Variants in RSRC1 observed in about 807,000 individuals in gnomAD.
RSRC1 encodes serine/Arginine-related protein 53.
RSRC1 carries 39 observed loss-of-function variants against 49.1 expected under a neutral mutation model. The ratio of observed to expected loss-of-function variants is 0.79; its 90% CI spans 0.61 to 1.04. The LOEUF is 1.04. Among genes scored for constraint, RSRC1 ranks in the 50% least tolerant of loss-of-function variants. The probability of loss-of-function intolerance (pLI) is 0.00; values close to 1 mark genes in which losing one functional copy is unlikely to be tolerated. For synonymous variants in RSRC1, 143 were observed against 130.8 expected (o/e 1.09, Z -0.63); for missense variants, 388 against 402.4 (o/e 0.96, Z 0.31).
At position 158,203,104 on chromosome 3, in the gene RSRC1, G is replaced by T; in HGVS notation, c.353G>T (p.Ser118Ile). The T allele has an allele frequency of 6.2e-7, 1 of 1,613,610 alleles. No individual in the cohort carries two copies. Among genetic ancestry groups the T allele is most frequent in the Non-Finnish European group, 8.5e-7 (1 of 1,179,728 alleles). ...SRSRPRLRSH[S>I]RSSERSSHRR... The stretch of plus-strand genomic sequence containing the variant: ...TCAAGACCTCGTCTCCGTTCTCATA[G>T]TCGTAGCAGTGAAAGGTCCAGTCAC... The change falls in exon 4 of 10, where the codon AGT becomes ATT. Residue 118 changes from serine (S) to isoleucine (I), a missense_variant. Ser to Ile is a moderately radical substitution (Grantham distance 142). Transcript: ENST00000611884.
intron 4 of RSRC1, among the ~76,000 whole-genome samples, chr3:158,238,075 A>G (rs1239186845): frequency 6.6e-6 from 1 of 152,232 alleles, no homozygotes; most frequent in Non-Finnish European, 1.5e-5. Context: ...CACCAATAAC[A>G]GACAAACAGA....
At chr3:158,330,931 G>C (rs114648515) in intron 5 of RSRC1, among the ~76,000 whole-genome samples, 276 of 151,066 alleles carry the variant, frequency 1.8e-3, no homozygotes, top group Non-Finnish European at 1.7e-3. Flanking sequence ...GCTCCATGTG[G>C]CTGGGGAGGC....
At chr3:158,204,861 A>G (rs1418781561) in intron 4 of RSRC1, among the ~76,000 whole-genome samples, 1 of 152,176 alleles carries the variant, frequency 6.6e-6, no homozygotes, top group Admixed American at 6.5e-5. Flanking sequence ...CATAAAATTT[A>G]TATTATATAA....
intron 6 of RSRC1, among the ~76,000 whole-genome samples, chr3:158,377,107 T>C (rs1732419467): frequency 6.6e-6 from 1 of 152,202 alleles, no homozygotes; most frequent in Non-Finnish European, 1.5e-5. Flanking sequence ...GTATGTAATG[T>C]GTTGGTTTTC....
At chr3:158,378,034 C>T (rs1372489800) in intron 6 of RSRC1, among the ~76,000 whole-genome samples, 1 of 152,138 alleles carries the variant, frequency 6.6e-6, no homozygotes, top group Non-Finnish European at 1.5e-5. Context: ...CAATTTTTTT[C>T]TCTGAGTTTT....
rs139024786 is a variant in RSRC1 at position 158,406,666 on chromosome 3, G to A, written c.583+51758G>A. On this transcript the variant is annotated intron_variant, in intron 6 of 9. Transcript: ENST00000611884. Reference sequence around the variant, plus strand: ...AGTAATCAGAAACCATGCTCAGAGCGTGACACCTGCCAGGGAGAGCTTCAA... The same window carrying A: ...AGTAATCAGAAACCATGCTCAGAGCATGACACCTGCCAGGGAGAGCTTCAA... Among the ~76,000 whole-genome samples the A allele has an allele frequency of 7.1e-3, 1,080 of 152,154 alleles. 8 individuals carry two copies. The highest frequency in any genetic ancestry group is 0.044 in the South Asian group (212 of 4,814).
chr3:158,298,471 T>A (rs550666623), intron 5 of RSRC1, among the ~76,000 whole-genome samples: 47 of 152,254 alleles, frequency 3.1e-4, no homozygotes, highest in African/African-American at 1.1e-3. Context: ...TTAGCAGCTT[T>A]GAAAGAAGTG....
rs1464636684 is a variant in RSRC1, at chr3:158,413,994, CAAAG to C, written c.584-46940_584-46937del. On this transcript the variant is annotated intron_variant, in intron 6 of 9. Transcript: ENST00000611884. The stretch of plus-strand genomic sequence containing the variant: ...GCAATTCCATTACTGGAATTATACT[CAAAG>C]GAATTACTGGGTATACACTGGGTAT... Among the ~76,000 whole-genome samples, 11 of 152,014 alleles carry C rather than the reference CAAAG, an allele frequency of 7.2e-5. 1 individual carries two copies. The highest frequency in any genetic ancestry group is 5.9e-4 in the Admixed American group (9 of 15,264).
intron 4 of RSRC1, chr3:158,225,554 G>C (rs915344817): frequency 9.0e-6 from 3 of 332,406 alleles, no homozygotes; most frequent in East Asian, 8.8e-5. Context: ...TAAAAAGTAA[G>C]ATTTACACCC....
At chr3:158,166,897 T>A (rs987302178) in intron 3 of RSRC1, among the ~76,000 whole-genome samples, 29 of 152,220 alleles carry the variant, frequency 1.9e-4, no homozygotes, top group African/African-American at 6.8e-4. Flanking sequence ...TTGTTTACAA[T>A]AAGTACCCGA....
rs1712752546 is a variant in RSRC1, at chr3:158,537,076, A to T, written c.653-16A>T. The T allele has an allele frequency of 3.2e-6, 5 of 1,555,038 alleles. No individual in the cohort carries two copies. Among genetic ancestry groups the T allele is most frequent in the Non-Finnish European group, 4.4e-6 (5 of 1,127,932 alleles). ...GCTTACACCAAAATACGCTGACATT[A>T]TACCCTCTTTTTCAGACCAAGCCAC... is the stretch of plus-strand genomic sequence containing the variant. On this transcript the variant is annotated splice_polypyrimidine_tract_variant and intron_variant, in intron 7 of 9. Transcript: ENST00000611884.
chr3:158,302,493 G>T (rs1187641641), intron 5 of RSRC1, among the ~76,000 whole-genome samples: 1 of 150,744 alleles, frequency 6.6e-6, no homozygotes, highest in African/African-American at 2.4e-5. Context: ...TGACCCCGGG[G>T]TTATGTCTGT....
intron 7 of RSRC1, among the ~76,000 whole-genome samples, chr3:158,523,383 A>G (rs1430142355): frequency 6.6e-6 from 1 of 152,100 alleles, no homozygotes; most frequent in Non-Finnish European, 1.5e-5. Flanking sequence ...CCCTGTTTTA[A>G]GACTTACTGT....
At chr3:158,455,851 A>G (rs1737280652) in intron 6 of RSRC1, among the ~76,000 whole-genome samples, 1 of 151,704 alleles carries the variant, frequency 6.6e-6, no homozygotes, top group African/African-American at 2.4e-5. Context: ...ATGGTGGTGC[A>G]TGCCTGTAAT....
chr3:158,180,393 CTTTTTTT>C lies in RSRC1; in HGVS notation c.321-22662_321-22656del, dbSNP rs1163298458. ...AAAGTATGAGGTTTAGGTCGAGGTT[CTTTTTTT>C]TTTTTTTTTTTTTTTTGCCGTGTGT... On this transcript the variant is annotated intron_variant, in intron 3 of 9. Coordinates refer to ENST00000611884, the MANE Select transcript of RSRC1 (RefSeq NM_001271838.2). Among the ~76,000 whole-genome samples, 344 of 38,482 alleles carry C rather than the reference CTTTTTTT, an allele frequency of 8.9e-3. 3 individuals are homozygous for C. Among genetic ancestry groups the C allele is most frequent in the African/African-American group, 0.026 (322 of 12,186 alleles). 25.2% of individuals were successfully genotyped at this position (38,482 alleles called of 152,430 possible).
chr3:158,198,139 A>C (rs536077773), intron 3 of RSRC1, among the ~76,000 whole-genome samples: 1 of 151,862 alleles, frequency 6.6e-6, no homozygotes, highest in Non-Finnish European at 1.5e-5. Flanking sequence ...TCTCTTTGTA[A>C]GTCTCTGAGG....
chr3:158,418,947 G>A (rs536140447), intron 6 of RSRC1, among the ~76,000 whole-genome samples: 1 of 151,918 alleles, frequency 6.6e-6, no homozygotes, highest in African/African-American at 2.4e-5. Context: ...ACTATTCAAC[G>A]CTTCTGTTCA....
intron 3 of RSRC1, among the ~76,000 whole-genome samples, chr3:158,202,676 T>A (rs767818408): frequency 4.6e-5 from 7 of 150,540 alleles, no homozygotes; most frequent in Non-Finnish European, 7.4e-5. Context: ...TTGGAGTGGA[T>A]CAGTATTTAT....
chr3:158,392,058 C>T (rs1180924569), intron 6 of RSRC1, among the ~76,000 whole-genome samples: 2 of 152,074 alleles, frequency 1.3e-5, no homozygotes, highest in Non-Finnish European at 1.5e-5. Flanking sequence ...TGAAAGCAAA[C>T]AAGTTTGTGA....
Sources: gnomAD v4.1 joint callset for allele counts (sites outside exome capture counted in the v4.1 genomes callset) on GRCh38, gnomAD v4.1.1 for gene constraint, MANE v1.5 for transcripts, NCBI Gene and HGNC (gene_info 2026-07-23, HGNC 2026-07-21) for gene names.